Variants in ISG20 observed in about 807,000 individuals in gnomAD.
ISG20 encodes the protein interferon-stimulated gene 20 kDa protein.
A neutral mutation model predicts 11.1 loss-of-function variants in ISG20; 8 were observed. The observed-to-expected ratio is 0.72, with a 90% CI of 0.42 to 1.30. ISG20 has a LOEUF of 1.30. ISG20 is among the 50% of genes most tolerant of loss of function. The pLI, the probability that ISG20 is intolerant of heterozygous loss-of-function variation, is 0.01. For missense variants in ISG20, 243 were observed against 250.2 expected (o/e 0.97, Z 0.19); for synonymous variants, 110 against 101.7 (o/e 1.08, Z -0.49).
chr15:88,648,941 C>G (rs2058225378), intron 2 of ISG20: 1 of 152,218 alleles, frequency 6.6e-6, no homozygotes, highest in Non-Finnish European at 1.5e-5. Flanking sequence ...GACACTGACT[C>G]AGGGCAGGTC....
upstream of ISG20, among the ~76,000 whole-genome samples, chr15:88,636,538 G>C (rs2057987939): frequency 6.6e-6 from 1 of 152,186 alleles, no homozygotes; most frequent in African/African-American, 2.4e-5. Context: ...GGCCAGAGAA[G>C]GGGATAGGAA....
upstream of ISG20, among the ~76,000 whole-genome samples, chr15:88,637,625 ATAT>A (rs529764460): frequency 1.3e-3 from 203 of 152,108 alleles, no homozygotes; most frequent in Middle Eastern, 6.8e-3. Flanking sequence ...CATGGGGAAA[ATAT>A]TGGAGGAGTG....
chr15:88,652,024 CAAG>C, intron 2 of ISG20, 83 bp from the exon 3 acceptor site: 1 of 1,587,978 alleles, frequency 6.3e-7, no homozygotes, highest in Non-Finnish European at 8.6e-7. Flanking sequence ...CACAGCCAGT[CAAG>C]GAGGGATTGC....
chr15:88,655,710 T>A lies in ISG20; in HGVS notation c.*179T>A, dbSNP rs145605816. The A allele has an allele frequency of 1.9e-6, 1 of 530,388 alleles. No individual in the cohort carries two copies. Among genetic ancestry groups the A allele is most frequent in the East Asian group, 3.3e-5 (1 of 30,706 alleles). 32.9% of individuals were successfully genotyped at this position (530,388 alleles called of 1,614,324 possible). On this transcript the variant is annotated 3_prime_UTR_variant, in exon 4 of 4. Coordinates refer to ENST00000306072, the MANE Select transcript of ISG20 (RefSeq NM_002201.6). ...TGGGTTAACAGTAGACAGGACCCAT[T>A]TCTGTGTGATGTTAGGAGGGAATGA...
At position 88,640,997 on chromosome 15, in the gene ISG20, TA is replaced by T. The variant is rs370269934; in HGVS notation, c.228+1404del. Among the ~76,000 whole-genome samples, 558 of 151,872 alleles carry T rather than the reference TA, an allele frequency of 3.7e-3. 6 individuals carry two copies. Among genetic ancestry groups the T allele is most frequent in the African/African-American group, 0.012 (515 of 41,288 alleles). On this transcript the variant is annotated intron_variant, in intron 2 of 3. Coordinates refer to ENST00000306072, the MANE Select transcript of ISG20 (RefSeq NM_002201.6). Reference sequence around the variant, plus strand: ...TTGTTTTTTTGTATGTCTGTTTTATTATTATTTTTTTTTTAACCGGAGTCTC... The same window carrying T: ...TTGTTTTTTTGTATGTCTGTTTTATTTTATTTTTTTTTTAACCGGAGTCTC...
chr15:88,637,729 G>A (rs1292598014), upstream of ISG20, among the ~76,000 whole-genome samples: 1 of 152,158 alleles, frequency 6.6e-6, no homozygotes, highest in Non-Finnish European at 1.5e-5. Flanking sequence ...GAGCACCACG[G>A]GGCACTGGGG....
Position 88,643,774 on chromosome 15 carries a change from G to C in ISG20, c.228+4180G>C, listed in dbSNP as rs2058121745. On this transcript the variant is annotated intron_variant, in intron 2 of 3. Transcript: ENST00000306072. The surrounding 1 kb of genome is among the most constrained non-coding windows in gnomAD (Gnocchi z 4.4). ...TGGACAACACTGTTCTAGAAGTACA[G>C]ATTGAGTAGCCCTTATCTGAAATGC... Among the ~76,000 whole-genome samples the C allele has an allele frequency of 6.6e-6, 1 of 152,232 alleles. No homozygotes were observed. Among genetic ancestry groups the C allele is most frequent in the Non-Finnish European group, 1.5e-5 (1 of 68,040 alleles).
Position 88,655,720 on chromosome 15 carries a change from T to C in ISG20, c.*189T>C, listed in dbSNP as rs2058366189. Reference sequence around the variant, plus strand: ...GTAGACAGGACCCATTTCTGTGTGATGTTAGGAGGGAATGAAGTCTTATGC... The same window carrying C: ...GTAGACAGGACCCATTTCTGTGTGACGTTAGGAGGGAATGAAGTCTTATGC... On this transcript the variant is annotated 3_prime_UTR_variant, in exon 4 of 4. Transcript: ENST00000306072. 1.2e-5 allele frequency: 6 copies of C among 511,904 alleles called. No individual in the cohort carries two copies. The highest frequency in any genetic ancestry group is 2.1e-5 in the Non-Finnish European group (6 of 289,050). 31.7% of individuals were successfully genotyped at this position (511,904 alleles called of 1,614,324 possible).
Position 88,650,124 on chromosome 15 carries a change from G to T in ISG20, c.229-1986G>T. On this transcript the variant is annotated intron_variant, in intron 2 of 3. Coordinates refer to ENST00000306072, the MANE Select transcript of ISG20 (RefSeq NM_002201.6). This position sits in a 1 kb window ranked among gnomAD's most constrained non-coding sequence, Gnocchi z 4.0. ...CCTGGTGTACAGGCTAAGGTCGTGG[G>T]CTACATGCAGAGAAGGAGACGAAGG... 1 of 864,824 alleles carries T rather than the reference G, an allele frequency of 1.2e-6. No individual in the cohort carries two copies. The highest frequency in any genetic ancestry group is 1.9e-6 in the Non-Finnish European group (1 of 536,832). The allele number at this position is 864,824 out of a possible 1,614,324, so 53.6% of individuals were successfully genotyped here.
chr15:88,636,396 A>C (rs2057985619), upstream of ISG20: 1 of 152,234 alleles, frequency 6.6e-6, no homozygotes, highest in Non-Finnish European at 1.5e-5. Flanking sequence ...ATACACTTGA[A>C]AAACAGTTCA....
chr15:88,635,799 A>G (rs1255865592), upstream of ISG20, among the ~76,000 whole-genome samples: 1 of 152,154 alleles, frequency 6.6e-6, no homozygotes, highest in Non-Finnish European at 1.5e-5. Flanking sequence ...TTATACATTC[A>G]TGACATAAGT....
chr15:88,637,942 C>T (rs1229360843), upstream of ISG20, among the ~76,000 whole-genome samples: 1 of 152,176 alleles, frequency 6.6e-6, no homozygotes, highest in Non-Finnish European at 1.5e-5. Context: ...ATCAAAAACT[C>T]TCACACCTCA....
At chr15:88,640,773 G>A (rs2058066659) in intron 2 of ISG20, among the ~76,000 whole-genome samples, 1 of 151,784 alleles carries the variant, frequency 6.6e-6, no homozygotes, top group Non-Finnish European at 1.5e-5. Flanking sequence ...AGACCATCCT[G>A]GGCAACATGG....
In ISG20 at chr15:88,655,403, T is replaced by C. The variant is rs1368066050; in HGVS notation, c.430-12T>C. On this transcript the variant is annotated splice_polypyrimidine_tract_variant and intron_variant, in intron 3 of 3. Transcript: ENST00000306072. ...CTCATCCCAAGTCCCCACTCTATAC[T>C]TGTGTCTGCAGAACAGCCTGCTTGG... is the stretch of plus-strand genomic sequence containing the variant. 2 of 1,612,534 alleles carry C rather than the reference T, an allele frequency of 1.2e-6. No individual in the cohort carries two copies. The highest frequency in any genetic ancestry group is 1.7e-6 in the Non-Finnish European group (2 of 1,178,662).
At position 88,650,198 on chromosome 15, in the gene ISG20, C is replaced by G. The variant is rs1181375086; in HGVS notation, c.229-1912C>G. On this transcript the variant is annotated intron_variant, in intron 2 of 3. Transcript: ENST00000306072. The surrounding 1 kb of genome is among the most constrained non-coding windows in gnomAD (Gnocchi z 4.0). ...GGCCTGGACTAGCCACGAGCCGCCC[C>G]TTTCCCTAATAGAGCTCACATCTGT... is the stretch of plus-strand genomic sequence containing the variant. 11 of 1,523,122 alleles carry G rather than the reference C, an allele frequency of 7.2e-6. No individual in the cohort carries two copies. Among genetic ancestry groups the G allele is most frequent in the Non-Finnish European group, 8.8e-6 (10 of 1,135,552 alleles). The allele number at this position is 1,523,122 out of a possible 1,614,324, so 94.4% of individuals were successfully genotyped here.
chr15:88,652,915 C>T lies in ISG20; in HGVS notation c.429+605C>T, dbSNP rs752161580. Among the ~76,000 whole-genome samples, 76 of 151,790 alleles carry T rather than the reference C, an allele frequency of 5.0e-4. 2 individuals are homozygous for T. The highest frequency in any genetic ancestry group is 1.8e-4 in the Non-Finnish European group (12 of 67,954). ...GGGCCGGGGAACTGGGATATTTGTA[C>T]ACCAGTTCCCATCAGCCACCAGCTG... On this transcript the variant is annotated intron_variant, in intron 3 of 3. Transcript: ENST00000306072.
upstream of ISG20, among the ~76,000 whole-genome samples, chr15:88,636,905 C>T (rs2057993294): frequency 6.6e-6 from 1 of 152,158 alleles, no homozygotes; most frequent in Non-Finnish European, 1.5e-5. Flanking sequence ...TGTGACCCCC[C>T]AGGCCACATT....
chr15:88,636,957 C>T (rs1481198763), upstream of ISG20, among the ~76,000 whole-genome samples: 3 of 152,166 alleles, frequency 2.0e-5, no homozygotes, highest in Non-Finnish European at 2.9e-5. Context: ...ATGCCTGGGC[C>T]TTGAGACAGG....
chr15:88,653,865 T>C (rs1596063832), intron 3 of ISG20, among the ~76,000 whole-genome samples: 1 of 152,162 alleles, frequency 6.6e-6, no homozygotes, highest in Admixed American at 6.5e-5. Context: ...TGTGGCTCCC[T>C]GCCAAGCTGC....
Sources: gnomAD v4.1 joint callset for allele counts (sites outside exome capture counted in the v4.1 genomes callset) on GRCh38, gnomAD v4.1.1 for gene constraint, Gnocchi (gnomAD v3.1) non-coding constraint, MANE v1.5 for transcripts, NCBI Gene and HGNC (gene_info 2026-07-23, HGNC 2026-07-21) for gene names.